GIPR: variants seen among roughly 807,000 people sequenced by gnomAD.
GIPR encodes GIP-R.
A neutral mutation model predicts 62.2 loss-of-function variants in GIPR; 74 were observed. The observed-to-expected ratio is 1.19, with a 90% CI of 0.99 to 1.44. GIPR has a LOEUF of 1.44. Ranked by LOEUF, GIPR falls within the 40% of genes most tolerant of loss-of-function variation. The pLI, the probability that GIPR is intolerant of heterozygous loss-of-function variation, is 0.00. For missense variants in GIPR, 664 were observed against 611.8 expected, an observed-to-expected ratio of 1.09 and a Z score of -0.90; for synonymous variants, 256 against 262.2, an observed-to-expected ratio of 0.98 and a Z score of 0.23.
intron 9 of GIPR, 42 bp from the exon 10 acceptor site, chr19:45,677,668 C>G (rs1046785932): frequency 6.7e-7 from 1 of 1,493,458 alleles, no homozygotes; most frequent in Non-Finnish European, 9.3e-7. Flanking sequence ...ATCGGTGAGT[C>G]TAGAGTTTTT....
chr19:45,676,986 A>C lies in GIPR; in HGVS notation c.671A>C (p.Gln224Pro), dbSNP rs750730071. 6.8e-6 allele frequency: 11 copies of C among 1,614,084 alleles called. 1 individual carries two copies. In the Admixed American group the frequency reaches 1.2e-4, roughly 17 times the overall value. The change falls in exon 8 of 14, where the codon CAG (glutamine) becomes CCG (proline). Residue 224 changes from glutamine (Q) to proline (P), a missense_variant. Physicochemically the swap from Gln to Pro is moderately conservative, Grantham distance 76. Transcript: ENST00000590918. ...TGCCGCACGGCCCAGATCGTGACCC[A>C]GTACTGCGTGGGTGCCAACTACACG... ...AACRTAQIVT[Q>P]YCVGANYTWL...
At chr19:45,678,062 T>C in intron 11 of GIPR, 26 bp from the exon 12 acceptor site, 5 of 1,611,812 alleles carry the variant, frequency 3.1e-6, no homozygotes, top group East Asian at 2.2e-5. Context: ...GGCTGCGGGA[T>C]CACTGCTGCC....
In GIPR at chr19:45,673,963, G is replaced by A. The variant is rs902387766; in HGVS notation, c.385-111G>A. On this transcript the variant is annotated intron_variant, in intron 5 of 13. Coordinates refer to ENST00000590918, the MANE Select transcript of GIPR (RefSeq NM_000164.4). Reference sequence around the variant, plus strand: ...CAAATAAGGGTAAGCAGTTCCCCAAGATAAAATAGGGTATTTGGGCAGAAA... The same window carrying A: ...CAAATAAGGGTAAGCAGTTCCCCAAAATAAAATAGGGTATTTGGGCAGAAA... 1.8e-5 allele frequency: 14 copies of A among 784,998 alleles called. No homozygotes were observed. In the African/African-American group the frequency reaches 1.9e-4, roughly 10 times the overall value. 48.6% of individuals were successfully genotyped at this position (784,998 alleles called of 1,614,324 possible).
chr19:45,677,218 T>C, intron 8 of GIPR, 105 bp from the exon 9 acceptor site: 2 of 1,389,782 alleles, frequency 1.4e-6, no homozygotes, highest in African/African-American at 1.4e-5. Flanking sequence ...GGCTTCTGCC[T>C]TCCCCACCCC....
In GIPR at chr19:45,676,967, A is replaced by G. The variant is rs771604786; in HGVS notation, c.652A>G (p.Thr218Ala). 1 of 1,613,998 alleles carries G rather than the reference A, an allele frequency of 6.2e-7. No individual in the cohort carries two copies. ...TCCCTAGGCCCTCGCTGCCTGCCGC[A>G]CGGCCCAGATCGTGACCCAGTACTG... ...LWNQALAACR[T>A]AQIVTQYCVG... Residue 218 changes from threonine (T) to alanine (A), a missense_variant, in exon 8 of 14, where the codon ACG becomes GCG. Transcript: ENST00000590918.
chr19:45,676,425 G>GTTTT (rs1235596639), intron 7 of GIPR, among the ~76,000 whole-genome samples: 1 of 111,946 alleles, frequency 8.9e-6, no homozygotes, highest in African/African-American at 3.2e-5. Context: ...AAAAGAAGCT[G>GTTTT]ATTTTTTTTT....
intron 12 of GIPR, among the ~76,000 whole-genome samples, 200 bp from the exon 13 acceptor site, chr19:45,681,404 A>G (rs987234836): frequency 2.0e-5 from 3 of 152,192 alleles, no homozygotes; most frequent in African/African-American, 7.2e-5. Flanking sequence ...CTGAAGCAGG[A>G]TAATCACTTG....
chr19:45,674,605 TAAA>T, intron 6 of GIPR, 74 bp from the exon 7 acceptor site: 4 of 1,154,062 alleles, frequency 3.5e-6, no homozygotes, highest in Non-Finnish European at 4.9e-6. Flanking sequence ...AGACCCTGTT[TAAA>T]AAAAAAAATA....
At chr19:45,669,893 G>A (rs1975446578) in intron 2 of GIPR, among the ~76,000 whole-genome samples, 1 of 150,814 alleles carries the variant, frequency 6.6e-6, no homozygotes, top group Admixed American at 6.6e-5. Flanking sequence ...AGGTTGCGGT[G>A]AGCCGAGATC....
In GIPR at chr19:45,683,679, G is replaced by A. The variant is rs749273877; in HGVS notation, c.*1744G>A. ...GCCTTGTGGGTTCTCGCGGGGTGGG[G>A]GCCTTAGGGCAAGGCTCTTGTAAAT... is the stretch of plus-strand genomic sequence containing the variant. On this transcript the variant is annotated 3_prime_UTR_variant, in exon 14 of 14. Coordinates refer to ENST00000590918, the MANE Select transcript of GIPR (RefSeq NM_000164.4). 2.2e-4 allele frequency: 34 copies of A among 152,176 alleles called. No individual in the cohort carries two copies. Among genetic ancestry groups the A allele is most frequent in the Admixed American group, 1.8e-3 (27 of 15,264 alleles). 9.4% of individuals were successfully genotyped at this position (152,176 alleles called of 1,614,324 possible). A position where few individuals can be genotyped will look rare whatever the true frequency, so the allele number is the denominator to read the frequency against.
chr19:45,677,028 G>T lies in GIPR; in HGVS notation c.713G>T (p.Gly238Val). 1.2e-6 allele frequency: 2 copies of T among 1,613,350 alleles called. No individual in the cohort carries two copies. Among genetic ancestry groups the T allele is most frequent in the Middle Eastern group, 3.3e-4 (2 of 6,060 alleles). The part of the protein sequence containing the change: ...GANYTWLLVE[G>V]VYLHSLLVLV... Reference sequence around the variant, plus strand: ...AACTACACGTGGCTGCTGGTGGAGGGCGTCTACCTGCACAGTCTCCTGGTG... The same window carrying T: ...AACTACACGTGGCTGCTGGTGGAGGTCGTCTACCTGCACAGTCTCCTGGTG... The change falls in exon 8 of 14, where the codon GGC becomes GTC. Residue 238 changes from glycine (G) to valine (V), a missense_variant. Coordinates refer to ENST00000590918, the MANE Select transcript of GIPR (RefSeq NM_000164.4).
rs563695595 is a variant in GIPR, at chr19:45,674,482, T to C, written c.489-200T>C. ...TAGCTAGGCATACTGGTGGTGCACC[T>C]GTGGTACCAGCTATAGGGGGGCGCT... On this transcript the variant is annotated intron_variant, in intron 6 of 13. Transcript: ENST00000590918. The C allele has an allele frequency of 6.9e-5, 44 of 639,904 alleles. 1 individual carries two copies. In the South Asian group the frequency reaches 7.8e-4, roughly 11 times the overall value. 39.6% of individuals were successfully genotyped at this position (639,904 alleles called of 1,614,324 possible).
chr19:45,680,470 G>A (rs1055761064), intron 12 of GIPR, among the ~76,000 whole-genome samples: 3 of 152,114 alleles, frequency 2.0e-5, no homozygotes, highest in Non-Finnish European at 2.9e-5. Flanking sequence ...AGGTTGAAGT[G>A]ATGAAGTGAG....
chr19:45,678,569 G>T (rs1361667985), intron 12 of GIPR, among the ~76,000 whole-genome samples: 1 of 151,992 alleles, frequency 6.6e-6, no homozygotes, highest in Non-Finnish European at 1.5e-5. Context: ...CACCATGTTG[G>T]CCAGGCTGGT....
intron 12 of GIPR, 189 bp downstream of exon 12, chr19:45,678,415 G>A: frequency 2.8e-6 from 2 of 704,774 alleles, no homozygotes; most frequent in Non-Finnish European, 4.8e-6. Flanking sequence ...CCAGGCTGGA[G>A]TACAGTGGCG....
rs1040567329 is a variant in GIPR at position 45,682,579 on chromosome 19, T to C, written c.*644T>C. On this transcript the variant is annotated 3_prime_UTR_variant, in exon 14 of 14. Transcript: ENST00000590918. ...CGCACCCGGCTTTTTTTTTTTTTTT[T>C]AAACGGAGTCTCACTCTGTCACCCA... is the stretch of plus-strand genomic sequence containing the variant. 2 of 150,596 alleles carry C rather than the reference T, an allele frequency of 1.3e-5. No individual in the cohort carries two copies. Among genetic ancestry groups the C allele is most frequent in the Admixed American group, 6.6e-5 (1 of 15,084 alleles). 9.3% of individuals were successfully genotyped at this position (150,596 alleles called of 1,614,324 possible).
chr19:45,674,753 T>A lies in GIPR; in HGVS notation c.560T>A (p.Ile187Asn). 1.2e-6 allele frequency: 2 copies of A among 1,613,950 alleles called. No individual in the cohort carries two copies. Among genetic ancestry groups the A allele is most frequent in the Non-Finnish European group, 1.7e-6 (2 of 1,179,896 alleles). The change falls in exon 7 of 14, where the codon ATT (isoleucine) becomes AAT (asparagine). Residue 187 changes from isoleucine (I) to asparagine (N), a missense_variant. Transcript: ENST00000590918. ...TCTTTCATGCTGCGAGCTGCGGCCA[T>A]TCTCAGCCGAGACCGTCTGCTACCT... ...FTSFMLRAAAILSRDRLLPRP... is the reference protein window; with the variant it reads ...FTSFMLRAAANLSRDRLLPRP...
chr19:45,677,117 C>G lies in GIPR; in HGVS notation c.793+9C>G, dbSNP rs1469513659. Reference sequence around the variant, plus strand: ...CCTGCTCCTCGGCTGGGGTGAGCTCCGATCCCGTCCCCCGCCCAACCCAGC... The same window carrying G: ...CCTGCTCCTCGGCTGGGGTGAGCTCGGATCCCGTCCCCCGCCCAACCCAGC... On this transcript the variant is annotated intron_variant, in intron 8 of 13. Coordinates refer to ENST00000590918, the MANE Select transcript of GIPR (RefSeq NM_000164.4). 5.6e-6 allele frequency: 9 copies of G among 1,612,526 alleles called. No individual in the cohort carries two copies. Among genetic ancestry groups the G allele is most frequent in the Non-Finnish European group, 7.6e-6 (9 of 1,179,812 alleles).
intron 12 of GIPR, among the ~76,000 whole-genome samples, chr19:45,680,698 G>A (rs1236277779): frequency 1.3e-5 from 2 of 151,720 alleles, no homozygotes; most frequent in Non-Finnish European, 2.9e-5. Flanking sequence ...AGGCGTGGGG[G>A]CGCATGCCTG....
Sources: allele counts gnomAD v4.1 joint callset (sites outside exome capture counted in the v4.1 genomes callset), GRCh38; gene constraint gnomAD v4.1.1; transcripts MANE v1.5; gene names NCBI Gene and HGNC (gene_info 2026-07-23, HGNC 2026-07-21).